The following LIN52 variants were observed in gnomAD, a reference collection of about 807,000 sequenced individuals.
LIN52 encodes protein lin-52 homolog.
In LIN52, 4 loss-of-function variants were observed where a neutral mutation model predicts 18.5. That is an observed-to-expected ratio of 0.22 (90% CI 0.11 to 0.49). The LOEUF is 0.49. Ranked by LOEUF, LIN52 falls within the 20% of genes least tolerant of loss-of-function variation. The pLI, the probability that LIN52 is intolerant of heterozygous loss-of-function variation, is 0.97. For missense variants in LIN52, 102 were observed against 139.5 expected (o/e 0.73, Z 1.35); for synonymous variants, 34 against 45.5 (o/e 0.75, Z 1.02).
chr14:74,091,135 C>G (rs2060769915), intron 1 of LIN52, 97 bp from the exon 2 acceptor site: 3 of 771,696 alleles, frequency 3.9e-6, no homozygotes, highest in South Asian at 1.9e-5. Flanking sequence ...CTCTAGACTT[C>G]CAGGTGAGTG....
At chr14:74,194,926 A>G (rs567867638) in intron 5 of LIN52, among the ~76,000 whole-genome samples, 80 of 152,278 alleles carry the variant, frequency 5.3e-4, no homozygotes, top group Non-Finnish European at 9.7e-4. Context: ...GGGCAGATCA[A>G]CTGAGGTCAG....
intron 5 of LIN52, among the ~76,000 whole-genome samples, chr14:74,120,416 C>T (rs1256545698): frequency 6.6e-6 from 1 of 151,538 alleles, no homozygotes; most frequent in South Asian, 2.1e-4. Context: ...GTCAAGAGTT[C>T]GAGACCAGCC....
Position 74,112,736 on chromosome 14 carries a change from G to T in LIN52, c.283+11498G>T, listed in dbSNP as rs561943135. Reference sequence around the variant, plus strand: ...GAATGAAGTGTCCTGTTCAGCAACTGTTTGGGTGACTACTTCATACAAGGC... The same window carrying T: ...GAATGAAGTGTCCTGTTCAGCAACTTTTTGGGTGACTACTTCATACAAGGC... On this transcript the variant is annotated intron_variant, in intron 5 of 5. Transcript: ENST00000555028. 3.3e-5 allele frequency among the ~76,000 whole-genome samples: 5 copies of T among 152,310 alleles called. No individual in the cohort carries two copies. In the East Asian group the frequency reaches 9.6e-4, roughly 29 times the overall value.
intron 5 of LIN52, among the ~76,000 whole-genome samples, chr14:74,124,539 AG>A (rs2061017149): frequency 6.6e-6 from 1 of 152,122 alleles, no homozygotes; most frequent in Non-Finnish European, 1.5e-5. Context: ...GGGTAGGTGT[AG>A]TGGCTCATGC....
At chr14:74,130,289 T>TG (rs1566856590) in intron 5 of LIN52, among the ~76,000 whole-genome samples, 1 of 101,836 alleles carries the variant, frequency 9.8e-6, no homozygotes, top group Non-Finnish European at 2.1e-5. Flanking sequence ...TTTTTTTTTT[T>TG]TTTTTTTGAG....
intron 5 of LIN52, chr14:74,174,588 A>C (rs529646151): frequency 6.6e-6 from 1 of 152,138 alleles, no homozygotes; most frequent in East Asian, 1.9e-4. Context: ...TTCAGCATCA[A>C]TATGGTGACC....
intron 5 of LIN52, among the ~76,000 whole-genome samples, chr14:74,167,918 A>G (rs2061256199): frequency 6.6e-6 from 1 of 152,184 alleles, no homozygotes; most frequent in Non-Finnish European, 1.5e-5. Context: ...TCTTTGTTAC[A>G]TTTCAGAGGG....
At chr14:74,186,973 G>T (rs551497918) in intron 5 of LIN52, among the ~76,000 whole-genome samples, 1 of 152,044 alleles carries the variant, frequency 6.6e-6, no homozygotes, top group South Asian at 2.1e-4. Context: ...GAGCTACTCC[G>T]AAGTCTGAGA....
Position 74,199,103 on chromosome 14 carries a change from TCCCC to T in LIN52, c.*127_*130del. 1.5e-6 allele frequency: 1 copy of T among 661,736 alleles called. No individual in the cohort carries two copies. Among genetic ancestry groups the T allele is most frequent in the South Asian group, 1.8e-5 (1 of 56,036 alleles). The allele number at this position is 661,736 out of a possible 1,614,324, so 41.0% of individuals were successfully genotyped here. A position where few individuals can be genotyped will look rare whatever the true frequency, so the allele number is the denominator to read the frequency against. ...AGGGTGTACCTCCAGGACTGCCCTC[TCCCC>T]TGCTCCTGGCACTCTACACGTCTGA... On this transcript the variant is annotated 3_prime_UTR_variant, in exon 6 of 6. Transcript: ENST00000555028.
chr14:74,125,372 A>G (rs538352056), intron 5 of LIN52, among the ~76,000 whole-genome samples: 3 of 152,302 alleles, frequency 2.0e-5, no homozygotes, highest in African/African-American at 7.2e-5. Context: ...GCCAGTGATG[A>G]TGAGCATTTT....
At chr14:74,135,104 C>T (rs1168389880) in intron 5 of LIN52, among the ~76,000 whole-genome samples, 3 of 151,964 alleles carry the variant, frequency 2.0e-5, no homozygotes, top group Non-Finnish European at 4.4e-5. Context: ...CTTGCTCTGT[C>T]GCCAGGCTGG....
In LIN52 at chr14:74,185,313, T is replaced by C. The variant is rs931482623; in HGVS notation, c.284-13609T>C. ...TATTTGATTTTATAATGATTTCTTT[T>C]TTTTTTTTTTTTTTTTTTTGAGATG... is the stretch of plus-strand genomic sequence containing the variant. On this transcript the variant is annotated intron_variant, in intron 5 of 5. Transcript: ENST00000555028. Among the ~76,000 whole-genome samples the C allele has an allele frequency of 2.9e-3, 371 of 126,094 alleles. 4 individuals carry two copies. In the East Asian group the frequency reaches 0.052, roughly 18 times the overall value. 82.7% of individuals were successfully genotyped at this position (126,094 alleles called of 152,430 possible).
intron 5 of LIN52, among the ~76,000 whole-genome samples, chr14:74,168,838 C>T (rs1316015317): frequency 2.0e-5 from 3 of 152,010 alleles, no homozygotes; most frequent in South Asian, 4.2e-4. Context: ...CTGAGGCAGT[C>T]GGATCACTTG....
intron 5 of LIN52, among the ~76,000 whole-genome samples, chr14:74,138,543 G>A (rs1352055013): frequency 6.6e-6 from 1 of 152,030 alleles, no homozygotes; most frequent in East Asian, 1.9e-4. Flanking sequence ...ACTTGAGGCC[G>A]GGAGTTCAAG....
intron 5 of LIN52, among the ~76,000 whole-genome samples, chr14:74,168,873 C>T (rs10145183): frequency 0.019 from 2,827 of 151,914 alleles, 55 homozygotes; most frequent in African/African-American, 0.051. Context: ...AGACACCTGG[C>T]CATCATGGCA....
chr14:74,165,519 T>C (rs987595251), intron 5 of LIN52, among the ~76,000 whole-genome samples: 1 of 144,546 alleles, frequency 6.9e-6, no homozygotes, highest in Non-Finnish European at 1.5e-5. Context: ...TTTTCTTTTT[T>C]TTTTTTTTTG....
chr14:74,147,488 TA>T (rs1389872159), intron 5 of LIN52, among the ~76,000 whole-genome samples: 3 of 152,172 alleles, frequency 2.0e-5, no homozygotes. Flanking sequence ...AAGACACCAT[TA>T]AGAAAGTACT....
At chr14:74,133,700 A>C (rs1010926670) in intron 5 of LIN52, among the ~76,000 whole-genome samples, 2 of 152,190 alleles carry the variant, frequency 1.3e-5, no homozygotes, top group African/African-American at 4.8e-5. Flanking sequence ...AGAAACCTCC[A>C]ATTTCGTTCA....
At chr14:74,182,574 T>C (rs1019288459) in intron 5 of LIN52, among the ~76,000 whole-genome samples, 2 of 137,656 alleles carry the variant, frequency 1.5e-5, no homozygotes, top group Non-Finnish European at 3.3e-5. Flanking sequence ...AAAATTGGAT[T>C]AGCGAGGTCA....
Sources: allele counts gnomAD v4.1 joint callset (sites outside exome capture counted in the v4.1 genomes callset), GRCh38; gene constraint gnomAD v4.1.1; transcripts MANE v1.5; gene names NCBI Gene and HGNC (gene_info 2026-07-23, HGNC 2026-07-21).